The following DOCK3 variants were observed in gnomAD, a reference collection of about 807,000 sequenced individuals.
The protein encoded by DOCK3 is dedicator of cytokinesis protein 3.
Under a neutral mutation model 265.6 loss-of-function variants are expected in DOCK3, and 60 were observed. The observed-to-expected ratio is 0.23, with a 90% CI of 0.18 to 0.28. The LOEUF (loss-of-function observed/expected upper bound fraction) is 0.28. DOCK3 is among the 10% of genes least tolerant of loss of function. The pLI is 1.00. For missense variants in DOCK3, 1,981 were observed against 2,594.3 expected, an observed-to-expected ratio of 0.76 and a Z score of 5.14; for synonymous variants, 881 against 938.0, an observed-to-expected ratio of 0.94 and a Z score of 1.11.
At chr3:51,036,644 T>A (rs1396785965) in intron 5 of DOCK3, among the ~76,000 whole-genome samples, 4 of 152,168 alleles carry the variant, frequency 2.6e-5, no homozygotes. Flanking sequence ...GCTCCATTTC[T>A]CTTTACTTTA....
chr3:51,146,553 C>T lies in DOCK3; in HGVS notation c.751C>T (p.Arg251Trp), dbSNP rs2085312641. The change falls in exon 10 of 53, where the codon CGG becomes TGG. Residue 251 changes from arginine (R) to tryptophan (W), a missense_variant. Physicochemically the swap from Arg to Trp is moderately radical, Grantham distance 101 (BLOSUM62 -3). Around this residue, in one of 4 missense-constraint regions of DOCK3, gnomAD observed 456 missense variants for 539.0 expected, o/e 0.85. Coordinates refer to ENST00000266037, the MANE Select transcript of DOCK3 (RefSeq NM_004947.5). ...DMREGKQISE[R>W]FLVRLNKNGG... is the part of the protein sequence containing the mutation. The stretch of plus-strand genomic sequence containing the variant: ...TCTTTCTTTCCTACATTTCAGTGAG[C>T]GGTTTCTGGTAAGACTGAACAAGAA... 6.3e-7 allele frequency: 1 copy of T among 1,592,158 alleles called. No individual in the cohort carries two copies. The highest frequency in any genetic ancestry group is 1.1e-5 in the South Asian group (1 of 87,308).
chr3:51,109,880 C>T (rs1186456688), intron 9 of DOCK3, among the ~76,000 whole-genome samples: 1 of 151,866 alleles, frequency 6.6e-6, no homozygotes, highest in Non-Finnish European at 1.5e-5. Flanking sequence ...TTACAGTAAG[C>T]CAAGATCATA....
intron 6 of DOCK3, among the ~76,000 whole-genome samples, chr3:51,071,465 G>GT (rs1248201948): frequency 1.3e-5 from 2 of 152,088 alleles, no homozygotes; most frequent in Admixed American, 1.3e-4. Context: ...TGTTTAAAGA[G>GT]TTTTTTATCC....
chr3:51,173,074 T>G (rs2086767384), intron 12 of DOCK3, among the ~76,000 whole-genome samples: 1 of 152,194 alleles, frequency 6.6e-6, no homozygotes, highest in South Asian at 2.1e-4. Flanking sequence ...ATCATCACAG[T>G]ATTCTGATTT....
At chr3:50,760,324 G>T (rs1407503853) in intron 1 of DOCK3, among the ~76,000 whole-genome samples, 1 of 152,146 alleles carries the variant, frequency 6.6e-6, no homozygotes, top group East Asian at 1.9e-4. Context: ...GTGAGGGTTT[G>T]TTTCTAAGAT....
intron 35 of DOCK3, among the ~76,000 whole-genome samples, chr3:51,334,399 C>T (rs888620125): frequency 6.6e-6 from 1 of 152,176 alleles, no homozygotes; most frequent in African/African-American, 2.4e-5. Context: ...GCATTTTCAG[C>T]TCATGGATCA....
intron 2 of DOCK3, among the ~76,000 whole-genome samples, chr3:50,797,633 C>T (rs2042859948): frequency 6.6e-6 from 1 of 152,200 alleles, no homozygotes; most frequent in Admixed American, 6.5e-5. Context: ...TAGTTTACAT[C>T]TCCAGCACAG....
At chr3:51,054,163 T>G (rs1017442966) in intron 5 of DOCK3, among the ~76,000 whole-genome samples, 1 of 151,696 alleles carries the variant, frequency 6.6e-6, no homozygotes, top group African/African-American at 2.4e-5. Flanking sequence ...GTGGGAGAAT[T>G]TTTATTTTTG....
chr3:51,122,464 G>A (rs1170079062), intron 9 of DOCK3, among the ~76,000 whole-genome samples: 1 of 152,126 alleles, frequency 6.6e-6, no homozygotes, highest in Non-Finnish European at 1.5e-5. Flanking sequence ...AAGAAAGATA[G>A]AGAAAGAAAG....
At chr3:51,210,090 G>A (rs1387136502) in intron 13 of DOCK3, among the ~76,000 whole-genome samples, 1 of 152,162 alleles carries the variant, frequency 6.6e-6, no homozygotes, top group African/African-American at 2.4e-5. Context: ...GATTTATAAA[G>A]AGGTGCCCTT....
chr3:51,321,626 G>A (rs895566602), intron 32 of DOCK3, among the ~76,000 whole-genome samples: 2 of 152,104 alleles, frequency 1.3e-5, no homozygotes, highest in South Asian at 2.1e-4. Flanking sequence ...GTTTAGAGAA[G>A]AACATAAATG....
At chr3:51,193,734 T>C (rs916256561) in intron 12 of DOCK3, among the ~76,000 whole-genome samples, 18 of 151,852 alleles carry the variant, frequency 1.2e-4, no homozygotes, top group African/African-American at 4.3e-4. Context: ...TAATGATTCT[T>C]TGCATTTCTG....
At chr3:51,178,896 A>C (rs2087123820) in intron 12 of DOCK3, among the ~76,000 whole-genome samples, 1 of 152,246 alleles carries the variant, frequency 6.6e-6, no homozygotes, top group Non-Finnish European at 1.5e-5. Context: ...TTGAGCACTC[A>C]CCATGGGCTG....
At chr3:50,733,788 A>AT (rs34280224) in intron 1 of DOCK3, among the ~76,000 whole-genome samples, 135,800 of 150,196 alleles carry the variant, frequency 0.9, 61,519 homozygotes, top group African/African-American at 0.95. Flanking sequence ...TTGTTGTTCT[A>AT]TTTTTTTTTC....
In DOCK3 at chr3:51,045,234, C is replaced by T. The variant is rs545174497; in HGVS notation, c.316-19214C>T. On this transcript the variant is annotated intron_variant, in intron 5 of 52. Coordinates refer to ENST00000266037, the MANE Select transcript of DOCK3 (RefSeq NM_004947.5). ...GCCCATTGTAGAGTTATTACTTGAC[C>T]TAATTTTAGTATTATTTTGTCTCAG... 2.0e-5 allele frequency among the ~76,000 whole-genome samples: 3 copies of T among 152,164 alleles called. 1 individual carries two copies. The South Asian group carries it at 6.2e-4, about 32-fold the overall frequency.
At chr3:50,999,751 C>T (rs2078409256) in intron 5 of DOCK3, among the ~76,000 whole-genome samples, 2 of 152,160 alleles carry the variant, frequency 1.3e-5, no homozygotes, top group South Asian at 4.1e-4. Context: ...AATGGCAATT[C>T]AGTCCTGCTA....
intron 5 of DOCK3, among the ~76,000 whole-genome samples, chr3:50,957,437 C>T (rs1377402629): frequency 6.6e-6 from 1 of 152,128 alleles, no homozygotes; most frequent in Non-Finnish European, 1.5e-5. Context: ...GTTGCTATTC[C>T]AGATCTTGAA....
At chr3:51,352,949 CT>C (rs2086103073) in intron 40 of DOCK3, among the ~76,000 whole-genome samples, 1 of 152,206 alleles carries the variant, frequency 6.6e-6, no homozygotes, top group Non-Finnish European at 1.5e-5. Context: ...CACAGGCCAT[CT>C]ATTACTTTAG....
intron 3 of DOCK3, among the ~76,000 whole-genome samples, chr3:50,862,281 G>A (rs2046953566): frequency 6.6e-6 from 1 of 152,204 alleles, no homozygotes; most frequent in Non-Finnish European, 1.5e-5. Flanking sequence ...TGTATTGGAT[G>A]AATTAGCTTA....
Sources: allele counts gnomAD v4.1 joint callset (sites outside exome capture counted in the v4.1 genomes callset), GRCh38; gene constraint gnomAD v4.1.1; regional missense constraint gnomAD v4.1.1; transcripts MANE v1.5; gene names NCBI Gene and HGNC (gene_info 2026-07-23, HGNC 2026-07-21).